BRI3: variants seen among roughly 807,000 people sequenced by gnomAD.
BRI3 encodes brain protein I3, also known as membrane protein BRI3.
Under a neutral mutation model 12.8 loss-of-function variants are expected in BRI3, and 6 were observed. The observed-to-expected ratio is 0.47, with a 90% CI of 0.26 to 0.93. The LOEUF (loss-of-function observed/expected upper bound fraction) is 0.93. BRI3 is among the 40% of genes least tolerant of loss of function. The probability of loss-of-function intolerance (pLI) is 0.15; values close to 1 mark genes in which losing one functional copy is unlikely to be tolerated. For synonymous variants in BRI3, 91 were observed against 76.1 expected, an observed-to-expected ratio of 1.20 and a Z score of -1.02; for missense variants, 134 against 171.1, an observed-to-expected ratio of 0.78 and a Z score of 1.21.
At chr7:98,305,483 CCTGGCTAG>C (rs1800619955), upstream of BRI3, among the ~76,000 whole-genome samples, 1 of 152,096 alleles carries the variant, frequency 6.6e-6, no homozygotes, top group Non-Finnish European at 1.5e-5. Flanking sequence ...AGGCCTTCTA[CCTGGCTAG>C]CTGGATGGGT....
chr7:98,287,872 T>G (rs1799763150), intron 2 of BRI3, among the ~76,000 whole-genome samples: 1 of 152,100 alleles, frequency 6.6e-6, no homozygotes, highest in Non-Finnish European at 1.5e-5. Flanking sequence ...CCAGCCGGGC[T>G]CCCCACCCAC....
the BRI3 span, chr7:98,317,233 G>A: frequency 6.2e-7 from 1 of 1,614,182 alleles, no homozygotes; most frequent in South Asian, 1.1e-5. Context: ...ATTTCTTTGT[G>A]TTCATATTTG....
At chr7:98,306,567 G>A in exon 1 of BRI3, 8 of 1,613,342 alleles carry the variant, frequency 5.0e-6, no homozygotes, top group Non-Finnish European at 5.9e-6. Flanking sequence ...CATGTGGACG[G>A]CAACCTCCCT....
At position 98,301,072 on chromosome 7, in the gene BRI3, G is replaced by C. The variant is rs56199538; in HGVS notation, c.72-5411G>C. Among the ~76,000 whole-genome samples the C allele has an allele frequency of 9.7e-3, 1,470 of 152,202 alleles. 11 individuals are homozygous for C. The highest frequency in any genetic ancestry group is 0.014 in the Non-Finnish European group (939 of 67,992). Reference sequence around the variant, plus strand: ...GGCTCTAGGCCGCCCAGTAGAGGCCGGCTGGATGAATGCTGATGGGACGGT... The same window carrying C: ...GGCTCTAGGCCGCCCAGTAGAGGCCCGCTGGATGAATGCTGATGGGACGGT... On this transcript the variant is annotated intron_variant and NMD_transcript_variant, in intron 1 of 2. Transcript: ENST00000491463.
chr7:98,295,786 C>A (rs1462724644), downstream of BRI3, among the ~76,000 whole-genome samples: 1 of 152,158 alleles, frequency 6.6e-6, no homozygotes, highest in Non-Finnish European at 1.5e-5. Context: ...GGAGCTTGTT[C>A]AGAGCCTCCT....
chr7:98,318,818 C>G, the BRI3 span, among the ~76,000 whole-genome samples: 1 of 151,536 alleles, frequency 6.6e-6, no homozygotes, highest in African/African-American at 2.4e-5. Context: ...GTGGTGGGTG[C>G]CTGTAATCCC....
downstream of BRI3, chr7:98,312,125 G>A (rs746573777): frequency 2.5e-6 from 4 of 1,613,072 alleles, no homozygotes; most frequent in African/African-American, 5.3e-5. Context: ...CATGGGTGAA[G>A]CCTGAGGAGT....
intron 2 of BRI3, chr7:98,283,139 A>G (rs1393299105): frequency 1.3e-5 from 2 of 152,090 alleles, no homozygotes; most frequent in African/African-American, 4.8e-5. Context: ...ATAAGGATTA[A>G]TTAAATATAA....
At chr7:98,299,361 T>C (rs867153204) in intron 1 of BRI3, among the ~76,000 whole-genome samples, 1 of 151,990 alleles carries the variant, frequency 6.6e-6, no homozygotes, top group Non-Finnish European at 1.5e-5. Context: ...TCCCACTATA[T>C]TGCCCAGGCT....
rs906731291 is a variant in BRI3 at position 98,291,010 on chromosome 7, C to T, written c.246-101C>T. On this transcript the variant is annotated intron_variant, in intron 2 of 2. Coordinates refer to ENST00000297290, the MANE Select transcript of BRI3 (RefSeq NM_015379.5). ...ACTCGCCAGAGGTCCCCATGTGACTCATGGCCACTGGTTGGTTATTGAATG... is the reference window on the plus strand; with the variant it reads ...ACTCGCCAGAGGTCCCCATGTGACTTATGGCCACTGGTTGGTTATTGAATG... 2.9e-6 allele frequency: 4 copies of T among 1,375,016 alleles called. 1 individual carries two copies. The highest frequency in any genetic ancestry group is 2.5e-5 in the South Asian group (2 of 80,058). The allele number at this position is 1,375,016 out of a possible 1,614,324, so 85.2% of individuals were successfully genotyped here. A position where few individuals can be genotyped will look rare whatever the true frequency, so the allele number is the denominator to read the frequency against.
intron 1 of BRI3, 100 bp from the exon 2 acceptor site, chr7:98,282,251 T>C: frequency 9.2e-7 from 1 of 1,092,630 alleles, no homozygotes; most frequent in South Asian, 1.5e-5. Context: ...GACCGGGGGC[T>C]TTTTTAGCGG....
chr7:98,281,934 A>C lies in BRI3; in HGVS notation c.139A>C (p.Thr47Pro), dbSNP rs1361513317. The C allele has an allele frequency of 2.3e-6, 3 of 1,305,914 alleles. No individual in the cohort carries two copies. Among genetic ancestry groups the C allele is most frequent in the African/African-American group, 3.1e-5 (2 of 64,428 alleles). The allele number at this position is 1,305,914 out of a possible 1,614,324, so 80.9% of individuals were successfully genotyped here. A position where few individuals can be genotyped will look rare whatever the true frequency, so the allele number is the denominator to read the frequency against. The change falls in exon 1 of 3, where the codon ACA (threonine) becomes CCA (proline). Residue 47 changes from threonine (T) to proline (P), a missense_variant. Thr to Pro is a conservative substitution (Grantham distance 38, BLOSUM62 -1). Transcript: ENST00000297290. The stretch of plus-strand genomic sequence containing the variant: ...GCCGCCGCCCTACCCCTACCTCGTC[A>C]CAGGTGGGCCCGTAACCAACTTTCC... Reference protein sequence around the residue: ...PPPPPYPYLVTGIPTHHPRVY... With the variant: ...PPPPPYPYLVPGIPTHHPRVY...
chr7:98,294,260 T>C (rs565462844), downstream of BRI3: 11 of 754,816 alleles, frequency 1.5e-5, no homozygotes, highest in East Asian at 3.0e-4. Flanking sequence ...CCTAATGTGC[T>C]GGGACTACAG....
At chr7:98,283,403 G>C (rs1799599068) in intron 2 of BRI3, among the ~76,000 whole-genome samples, 1 of 152,214 alleles carries the variant, frequency 6.6e-6, no homozygotes, top group African/African-American at 2.4e-5. Context: ...GTGGGGACAA[G>C]AGGCTGGGAC....
chr7:98,298,348 C>T (rs555627957), intron 1 of BRI3, among the ~76,000 whole-genome samples: 69 of 152,298 alleles, frequency 4.5e-4, no homozygotes, highest in African/African-American at 1.5e-3. Flanking sequence ...TGCGGTGGCT[C>T]ACGCCTGTAA....
chr7:98,291,097 C>T lies in BRI3; in HGVS notation c.246-14C>T, dbSNP rs373993202. The T allele has an allele frequency of 6.8e-5, 110 of 1,612,350 alleles. No homozygotes were observed. Among genetic ancestry groups the T allele is most frequent in the Non-Finnish European group, 9.0e-5 (106 of 1,179,720 alleles). On this transcript the variant is annotated splice_polypyrimidine_tract_variant and intron_variant, in intron 2 of 2. Transcript: ENST00000297290. ...TCCTTACGGTGCCACCCTCTCTGCCCGTCTCTGCTGCAGGGTTGGGGTGCT... is the reference window on the plus strand; with the variant it reads ...TCCTTACGGTGCCACCCTCTCTGCCTGTCTCTGCTGCAGGGTTGGGGTGCT...
At chr7:98,290,995 G>A (rs1269962263) in intron 2 of BRI3, 116 bp from the exon 3 acceptor site, 6 of 1,209,608 alleles carry the variant, frequency 5.0e-6, no homozygotes, top group Non-Finnish European at 7.2e-6. Context: ...ACTCGCCAGA[G>A]GTCCCCATGT....
At chr7:98,289,568 C>G (rs1291094372) in intron 2 of BRI3, among the ~76,000 whole-genome samples, 1 of 151,972 alleles carries the variant, frequency 6.6e-6, no homozygotes, top group South Asian at 2.1e-4. Flanking sequence ...CTCCCCTTCC[C>G]CCCTAAGCAC....
At chr7:98,306,313 T>G, upstream of BRI3, 1 of 1,161,528 alleles carries the variant, frequency 8.6e-7, no homozygotes, top group Non-Finnish European at 1.3e-6. Context: ...CGGTCTCATC[T>G]CTGACTAGTC....
Sources: gnomAD v4.1 joint callset for allele counts (sites outside exome capture counted in the v4.1 genomes callset) on GRCh38, gnomAD v4.1.1 for gene constraint, MANE v1.5 for transcripts, NCBI Gene and HGNC (gene_info 2026-07-23, HGNC 2026-07-21) for gene names.